TPM4: variants seen among roughly 807,000 people sequenced by gnomAD.
The protein encoded by TPM4 is tropomyosin alpha-4 chain.
Under a neutral mutation model 35.8 loss-of-function variants are expected in TPM4, and 17 were observed. The observed-to-expected ratio is 0.47, with a 90% CI of 0.32 to 0.71. The LOEUF (loss-of-function observed/expected upper bound fraction) is 0.71, where lower values mean the gene tolerates loss of function less well. Ranked by LOEUF, TPM4 falls within the 30% of genes least tolerant of loss-of-function variation. The probability of loss-of-function intolerance (pLI) is 0.03; values close to 1 mark genes in which losing one functional copy is unlikely to be tolerated. For missense variants in TPM4, 240 were observed against 320.9 expected (o/e 0.75, Z 1.93); for synonymous variants, 120 against 122.9 (o/e 0.98, Z 0.15).
chr19:16,088,401 C>T, intron 4 of TPM4: 2 of 1,233,886 alleles, frequency 1.6e-6, no homozygotes, highest in Non-Finnish European at 2.1e-6. Flanking sequence ...TCTCAGGGGG[C>T]TGTGCCATCT....
chr19:16,097,849 T>G (rs549884115), intron 7 of TPM4, among the ~76,000 whole-genome samples: 1 of 152,064 alleles, frequency 6.6e-6, no homozygotes, highest in Non-Finnish European at 1.5e-5. Context: ...ACTCTCTCTA[T>G]TCATCCATTC....
At chr19:16,096,101 T>G (rs1017837257) in intron 7 of TPM4, among the ~76,000 whole-genome samples, 4 of 152,078 alleles carry the variant, frequency 2.6e-5, no homozygotes, top group Non-Finnish European at 4.4e-5. Flanking sequence ...AATTTTTCTT[T>G]TGGATTTTTA....
chr19:16,098,378 C>T (rs905308319), intron 7 of TPM4, among the ~76,000 whole-genome samples: 4 of 151,868 alleles, frequency 2.6e-5, no homozygotes, highest in Non-Finnish European at 4.4e-5. Flanking sequence ...ACCTGGGAGG[C>T]GGAGCTTGCT....
rs1254732093 is a variant in TPM4 at position 16,070,339 on chromosome 19, G to C, written c.114+2601G>C. On this transcript the variant is annotated intron_variant, in intron 2 of 2. Transcript: ENST00000589897. The surrounding 1 kb of genome is among the most constrained non-coding windows in gnomAD (Gnocchi z 7.4). Reference sequence around the variant, plus strand: ...AGGAGCAGTGGGTGGGAGGAAGGAAGGGAGTCCCCTCCCACAGAGCCATGT... The same window carrying C: ...AGGAGCAGTGGGTGGGAGGAAGGAACGGAGTCCCCTCCCACAGAGCCATGT... 6.6e-6 allele frequency among the ~76,000 whole-genome samples: 1 copy of C among 152,104 alleles called. No homozygotes were observed. Among genetic ancestry groups the C allele is most frequent in the Non-Finnish European group, 1.5e-5 (1 of 68,006 alleles).
chr19:16,082,622 G>C (rs2090496994), intron 2 of TPM4, among the ~76,000 whole-genome samples: 1 of 152,186 alleles, frequency 6.6e-6, no homozygotes, highest in Non-Finnish European at 1.5e-5. Context: ...GACTGTCCAT[G>C]GTGGTCAGTT....
At chr19:16,099,807 CTTTT>C (rs1448990400) in intron 7 of TPM4, 4 of 152,048 alleles carry the variant, frequency 2.6e-5, no homozygotes, top group Non-Finnish European at 5.9e-5. Flanking sequence ...CTCTCTCTTT[CTTTT>C]TTAATTTAAA....
chr19:16,083,014 A>G (rs1456815877), intron 2 of TPM4, among the ~76,000 whole-genome samples: 2 of 139,988 alleles, frequency 1.4e-5, no homozygotes, highest in Non-Finnish European at 3.1e-5. Context: ...AAAAAAAAAA[A>G]GCAGAGTACT....
At chr19:16,088,864 T>C in intron 4 of TPM4, 181 bp from the exon 5 acceptor site, 1 of 1,407,624 alleles carries the variant, frequency 7.1e-7, no homozygotes, top group East Asian at 2.7e-5. Flanking sequence ...GATAAGCCTT[T>C]GATAAGCCCA....
upstream of TPM4, chr19:16,075,963 T>G: frequency 6.6e-7 from 1 of 1,515,616 alleles, no homozygotes; most frequent in Non-Finnish European, 8.8e-7. Context: ...AGGACTCTTG[T>G]GAATATTGGG....
intron 2 of TPM4, among the ~76,000 whole-genome samples, chr19:16,069,402 T>TG (rs1690785196): frequency 6.6e-6 from 1 of 150,722 alleles, no homozygotes; most frequent in Non-Finnish European, 1.5e-5. Context: ...TGTGTGTGTA[T>TG]GAGTGTGTGT....
intron 7 of TPM4, chr19:16,099,851 A>T (rs1233572131): frequency 2.6e-5 from 4 of 152,178 alleles, no homozygotes; most frequent in Admixed American, 6.6e-5. Flanking sequence ...ACTTAATAAC[A>T]TGCCTGTAGA....
chr19:16,087,609 G>A (rs1003111762), intron 3 of TPM4, among the ~76,000 whole-genome samples: 2 of 151,894 alleles, frequency 1.3e-5, no homozygotes, highest in Admixed American at 1.3e-4. Context: ...GAGGCCAGGT[G>A]TGGTGGCTCA....
At chr19:16,092,573 C>T (rs962465111) in intron 5 of TPM4, among the ~76,000 whole-genome samples, 5 of 151,462 alleles carry the variant, frequency 3.3e-5, no homozygotes, top group Non-Finnish European at 7.4e-5. Flanking sequence ...CTCACTCCAT[C>T]GCCCCAGGCT....
At chr19:16,097,320 G>A (rs1310931162) in intron 7 of TPM4, among the ~76,000 whole-genome samples, 2 of 150,916 alleles carry the variant, frequency 1.3e-5, no homozygotes, top group East Asian at 1.9e-4. Context: ...TGTTGCCCAC[G>A]CTGGAGTGCA....
At chr19:16,095,203 G>C (rs959072405) in intron 7 of TPM4, 1 of 1,003,516 alleles carries the variant, frequency 1.0e-6, no homozygotes, top group Non-Finnish European at 1.2e-6. Flanking sequence ...ACTCCATTCC[G>C]ACCCTTGCCT....
At chr19:16,073,103 G>A (rs2090370504), upstream of TPM4, among the ~76,000 whole-genome samples, 1 of 151,066 alleles carries the variant, frequency 6.6e-6, no homozygotes, top group East Asian at 2.0e-4. Flanking sequence ...CAGCTACTCG[G>A]GAGGCTGAAG....
chr19:16,099,429 C>T (rs541207100), intron 7 of TPM4, among the ~76,000 whole-genome samples: 8 of 151,986 alleles, frequency 5.3e-5, no homozygotes, highest in African/African-American at 1.7e-4. Context: ...ACTAAAAATA[C>T]AAGAATTGGC....
intron 7 of TPM4, chr19:16,095,122 C>T (rs761830791): frequency 5.4e-6 from 2 of 367,150 alleles, no homozygotes; most frequent in Non-Finnish European, 7.8e-6. Flanking sequence ...TCACATGGAA[C>T]ACAGCTTTCT....
intron 7 of TPM4, among the ~76,000 whole-genome samples, chr19:16,097,795 C>G (rs140199254): frequency 5.5e-4 from 83 of 152,094 alleles, no homozygotes; most frequent in African/African-American, 2.0e-3. Flanking sequence ...CATTGTTATT[C>G]CTCATCCTAT....
Sources: gnomAD v4.1 joint callset for allele counts (sites outside exome capture counted in the v4.1 genomes callset) on GRCh38, gnomAD v4.1.1 for gene constraint, Gnocchi (gnomAD v3.1) non-coding constraint, MANE v1.5 for transcripts, NCBI Gene and HGNC (gene_info 2026-07-23, HGNC 2026-07-21) for gene names.